The following GJC1 variants were observed in gnomAD, a reference collection of about 807,000 sequenced individuals.
GJC1 encodes the protein gap junction protein gamma 1, also known as gap junction gamma-1 protein.
A neutral mutation model predicts 29.3 loss-of-function variants in GJC1; 5 were observed. The ratio of observed to expected loss-of-function variants is 0.17; its 90% confidence interval spans 0.09 to 0.36. The LOEUF (loss-of-function observed/expected upper bound fraction) is 0.36, where lower values mean the gene tolerates loss of function less well. Ranked by LOEUF, GJC1 falls within the 10% of genes least tolerant of loss-of-function variation. GJC1 has a pLI of 1.00. For missense variants in GJC1, 310 were observed against 496.2 expected (o/e 0.62, Z 3.56); for synonymous variants, 177 against 183.3 (o/e 0.97, Z 0.28).
In GJC1 at chr17:44,805,831, G is replaced by C; in HGVS notation, c.-14C>G. The C allele has an allele frequency of 2.1e-6, 3 of 1,461,356 alleles. No homozygotes were observed. Among genetic ancestry groups the C allele is most frequent in the Non-Finnish European group, 2.8e-6 (3 of 1,064,136 alleles). 90.5% of individuals were successfully genotyped at this position (1,461,356 alleles called of 1,614,324 possible). On this transcript the variant is annotated 5_prime_UTR_variant, in exon 3 of 3. It introduces an in-frame stop codon into an upstream open reading frame of the 5' UTR. Transcript: ENST00000592524. The surrounding 1 kb of genome is among the most constrained non-coding windows in gnomAD (Gnocchi z 5.1). ...GCTCCAACTCATGGTGATTGAATTG[G>C]TATGCCCTGATAAAAGTGGAAAAAT... is the stretch of plus-strand genomic sequence containing the variant.
At chr17:44,811,730 G>A (rs533651021) in intron 1 of GJC1, among the ~76,000 whole-genome samples, 112 of 152,100 alleles carry the variant, frequency 7.4e-4, no homozygotes, top group African/African-American at 2.5e-3. Flanking sequence ...ATAGGCCGGC[G>A]CGGTGGCTCA....
At chr17:44,824,490 C>T (rs945500420) in intron 1 of GJC1, among the ~76,000 whole-genome samples, 2 of 151,964 alleles carry the variant, frequency 1.3e-5, no homozygotes, top group Admixed American at 1.3e-4. Context: ...TTTGCAGAGA[C>T]AGGGCCCTCA....
intron 1 of GJC1, among the ~76,000 whole-genome samples, chr17:44,811,859 C>T (rs749606479): frequency 3.3e-5 from 5 of 151,830 alleles, no homozygotes; most frequent in African/African-American, 4.8e-5. Flanking sequence ...CAAAATTAGC[C>T]GGGCATGGTG....
chr17:44,813,329 T>A (rs1042984164), intron 1 of GJC1: 1 of 151,858 alleles, frequency 6.6e-6, no homozygotes, highest in African/African-American at 2.4e-5. Flanking sequence ...AATGCTGGGA[T>A]TACAGGTGTG....
At chr17:44,818,972 C>G (rs989740461) in intron 1 of GJC1, among the ~76,000 whole-genome samples, 4 of 151,682 alleles carry the variant, frequency 2.6e-5, no homozygotes, top group Admixed American at 2.6e-4. Context: ...AAAACAAAAC[C>G]TCTCAAGTTT....
intron 1 of GJC1, among the ~76,000 whole-genome samples, chr17:44,824,764 C>T (rs960534090): frequency 1.1e-4 from 16 of 147,294 alleles, no homozygotes; most frequent in Admixed American, 6.9e-4. Context: ...GAGCCGAGAT[C>T]GCACCACTGC....
chr17:44,808,706 G>A (rs964306697), intron 1 of GJC1, among the ~76,000 whole-genome samples: 15 of 152,206 alleles, frequency 9.9e-5, no homozygotes, highest in African/African-American at 3.1e-4. Context: ...AGGTTGCAGT[G>A]AGTTGTGATC....
intron 1 of GJC1, among the ~76,000 whole-genome samples, chr17:44,825,299 G>A (rs911902270): frequency 1.4e-5 from 2 of 148,118 alleles, no homozygotes; most frequent in Non-Finnish European, 3.0e-5. Context: ...CAGGAGACCA[G>A]CCTGACCAAC....
chr17:44,800,786 G>A lies in GJC1; in HGVS notation c.*3841C>T, dbSNP rs1454574859. 2 of 152,066 alleles carry A rather than the reference G, an allele frequency of 1.3e-5. No homozygotes were observed. The highest frequency in any genetic ancestry group is 1.3e-4 in the Admixed American group (2 of 15,260). The allele number at this position is 152,066 out of a possible 1,614,324, so 9.4% of individuals were successfully genotyped here. A position where few individuals can be genotyped will look rare whatever the true frequency, so the allele number is the denominator to read the frequency against. The stretch of plus-strand genomic sequence containing the variant: ...CCAATAATAATGGTTGGTCCTTGAA[G>A]GTCTTTTACCAGAGGCCTTTTCTAA... On this transcript the variant is annotated 3_prime_UTR_variant, in exon 3 of 3. Transcript: ENST00000592524.
intron 2 of GJC1, among the ~76,000 whole-genome samples, chr17:44,806,135 C>T (rs1490775881): frequency 2.0e-5 from 3 of 151,872 alleles, no homozygotes; most frequent in South Asian, 2.1e-4. Flanking sequence ...TACCCGGGCA[C>T]GGTGGTGTGC....
downstream of GJC1, among the ~76,000 whole-genome samples, chr17:44,798,027 G>A (rs2049795017): frequency 1.3e-5 from 2 of 152,170 alleles, no homozygotes; most frequent in African/African-American, 4.8e-5. Context: ...AGGGTCCCTT[G>A]CAGAAGGCAC....
rs374954889 is a variant in GJC1 at position 44,829,687 on chromosome 17, T to C, written c.-97+375A>G. 7 of 151,586 alleles carry C rather than the reference T, an allele frequency of 4.6e-5. No homozygotes were observed. In the East Asian group the frequency reaches 1.4e-3, roughly 30 times the overall value. 9.4% of individuals were successfully genotyped at this position (151,586 alleles called of 1,614,324 possible). ...CGCCCTGCGCCCCTAACCGCCCGGG[T>C]AGTTGTCGGCACCGCCGGGGCGCCG... On this transcript the variant is annotated intron_variant, in intron 1 of 2. Transcript: ENST00000592524.
At chr17:44,821,589 T>C (rs9909285) in intron 1 of GJC1, among the ~76,000 whole-genome samples, 117,302 of 150,998 alleles carry the variant, frequency 0.78, 45,563 homozygotes, top group African/African-American at 0.81. Flanking sequence ...CTCAGCTACT[T>C]GGGAGGCTGA....
intron 1 of GJC1, among the ~76,000 whole-genome samples, chr17:44,821,472 C>T (rs538866862): frequency 6.0e-5 from 9 of 151,228 alleles, no homozygotes; most frequent in Admixed American, 1.3e-4. Flanking sequence ...CTGAGGCAGG[C>T]GGATCACCTG....
intron 1 of GJC1, among the ~76,000 whole-genome samples, chr17:44,808,542 G>C (rs1230154952): frequency 6.6e-6 from 1 of 151,960 alleles, no homozygotes; most frequent in Non-Finnish European, 1.5e-5. Flanking sequence ...CATGAGTTCA[G>C]GAGTTTGAGA....
At position 44,802,483 on chromosome 17, in the gene GJC1, T is replaced by C. The variant is rs1359379649; in HGVS notation, c.*2144A>G. On this transcript the variant is annotated 3_prime_UTR_variant, in exon 3 of 3. Transcript: ENST00000592524. ...TTTTGCCTGTTTTCTTGGAATTATA[T>C]GAATTTCCTTATTAAACATTTGATT... 1.3e-5 allele frequency: 2 copies of C among 152,334 alleles called. No homozygotes were observed. The highest frequency in any genetic ancestry group is 3.9e-4 in the East Asian group (2 of 5,194). The allele number at this position is 152,334 out of a possible 1,614,324, so 9.4% of individuals were successfully genotyped here. A position where few individuals can be genotyped will look rare whatever the true frequency, so the allele number is the denominator to read the frequency against.
At chr17:44,797,731 T>C (rs1367176127), downstream of GJC1, 4 of 152,244 alleles carry the variant, frequency 2.6e-5, no homozygotes, top group African/African-American at 9.6e-5. Context: ...ACAGATTTGA[T>C]GCCACAGGTA....
intron 1 of GJC1, among the ~76,000 whole-genome samples, chr17:44,822,065 C>T (rs961017158): frequency 6.6e-6 from 1 of 151,240 alleles, no homozygotes; most frequent in Admixed American, 6.6e-5. Flanking sequence ...GGCATGGTGG[C>T]GGGCGCCTGT....
In GJC1 at chr17:44,804,467, T is replaced by A; in HGVS notation, c.*160A>T. ...AACACTGTGTTTCCCTTTCTCTCCC[T>A]CAGCCCAGCCCCGCCTCCAGAGTCC... On this transcript the variant is annotated 3_prime_UTR_variant, in exon 3 of 3. Coordinates refer to ENST00000592524, the MANE Select transcript of GJC1 (RefSeq NM_005497.4). 4 of 607,658 alleles carry A rather than the reference T, an allele frequency of 6.6e-6. No individual in the cohort carries two copies. The allele number at this position is 607,658 out of a possible 1,614,324, so 37.6% of individuals were successfully genotyped here.
Sources: allele counts gnomAD v4.1 joint callset (sites outside exome capture counted in the v4.1 genomes callset), GRCh38; gene constraint gnomAD v4.1.1; non-coding constraint Gnocchi (gnomAD v3.1); transcripts MANE v1.5; gene names NCBI Gene and HGNC (gene_info 2026-07-23, HGNC 2026-07-21).